The following SYMPK variants were observed in gnomAD, a reference collection of about 807,000 sequenced individuals.
SYMPK encodes the protein symplekin scaffold protein.
In SYMPK, 49 loss-of-function variants were observed where a neutral mutation model predicts 136.4. The observed-to-expected ratio is 0.36, with a 90% CI of 0.29 to 0.46. The LOEUF (loss-of-function observed/expected upper bound fraction) is 0.46. SYMPK is among the 20% of genes least tolerant of loss of function. SYMPK has a pLI of 1.00. For missense variants in SYMPK, 1,365 were observed against 1,690.0 expected (o/e 0.81, Z 3.37); for synonymous variants, 766 against 713.0 (o/e 1.07, Z -1.19).
Position 45,831,354 on chromosome 19 carries a change from T to C in SYMPK, c.1598+30A>G, listed in dbSNP as rs533641662. On this transcript the variant is annotated intron_variant, in intron 12 of 26. Transcript: ENST00000245934. ...CCAGACCTTCAGGGTAGGGCTCCTG[T>C]CCTGCCCTAGCACCCAGAAGAGGAC... The C allele has an allele frequency of 2.4e-4, 365 of 1,490,172 alleles. 5 individuals are homozygous for C. In the South Asian group the frequency reaches 4.6e-3, roughly 19 times the overall value. The allele number at this position is 1,490,172 out of a possible 1,614,324, so 92.3% of individuals were successfully genotyped here.
At chr19:45,840,083 C>T (rs879903417) in intron 9 of SYMPK, among the ~76,000 whole-genome samples, 6 of 152,030 alleles carry the variant, frequency 3.9e-5, no homozygotes, top group East Asian at 1.9e-4. Flanking sequence ...TCACCTGAGG[C>T]GGGTGGATTA....
intron 1 of SYMPK, among the ~76,000 whole-genome samples, chr19:45,858,745 C>A (rs1344525099): frequency 6.6e-6 from 1 of 152,122 alleles, no homozygotes; most frequent in Non-Finnish European, 1.5e-5. Context: ...GAACTCCCGA[C>A]CTCAGGTGAT....
Position 45,863,097 on chromosome 19 carries a change from G to A in SYMPK, c.-52C>T, listed in dbSNP as rs1477822375. On this transcript the variant is annotated 5_prime_UTR_variant, in exon 1 of 27. Transcript: ENST00000245934. Reference sequence around the variant, plus strand: ...CCGTTCCCCTCGCGCCCCCTCAGCAGTGCCTCTTCCTACACTCCGCCGCCG... The same window carrying A: ...CCGTTCCCCTCGCGCCCCCTCAGCAATGCCTCTTCCTACACTCCGCCGCCG... The A allele has an allele frequency of 5.0e-6, 2 of 403,266 alleles. No homozygotes were observed. Among genetic ancestry groups the A allele is most frequent in the Non-Finnish European group, 8.8e-6 (2 of 228,284 alleles). 25.0% of individuals were successfully genotyped at this position (403,266 alleles called of 1,614,324 possible).
At position 45,826,257 on chromosome 19, in the gene SYMPK, CG is replaced by C. The variant is rs1379611294; in HGVS notation, c.2297del (p.Pro766ArgfsTer22). 1 of 1,613,154 alleles carries C rather than the reference CG, an allele frequency of 6.2e-7. No individual in the cohort carries two copies. On this transcript the variant is annotated frameshift_variant, in exon 17 of 27. Coordinates refer to ENST00000245934, the MANE Select transcript of SYMPK (RefSeq NM_004819.3). LOFTEE classifies it high-confidence loss of function. ...YLQLLVHPNP[P>X]SVLFGADKDT... ...CCTTGTCAGCTCCAAACAGCACAGA[CG>C]GTGGGTTGGGGTGCACCAGGAGCTG...
Position 45,831,564 on chromosome 19 carries a change from T to C in SYMPK, c.1418A>G (p.Lys473Arg), listed in dbSNP as rs948203114. ...CACCTTCTCCTCCTTGGGCTCCTCC[T>C]TGCACTGTTTGGTCTGCTCTACACC... ...GPGVEQTKQC[K>R]EEPKEEKVVK... Residue 473 changes from lysine (K) to arginine (R), a missense_variant, in exon 12 of 27, where the codon AAG (lysine) becomes AGG (arginine). Lys to Arg is a conservative substitution (Grantham distance 26, BLOSUM62 2). This residue lies in a region of SYMPK where 46 missense variants were observed against 63.9 expected (regional missense o/e 0.72). Transcript: ENST00000245934. 6 of 1,608,348 alleles carry C rather than the reference T, an allele frequency of 3.7e-6. No homozygotes were observed. The highest frequency in any genetic ancestry group is 2.7e-5 in the African/African-American group (2 of 74,646).
At chr19:45,854,634 C>G in intron 1 of SYMPK, 127 bp from the exon 2 acceptor site, 1 of 713,586 alleles carries the variant, frequency 1.4e-6, no homozygotes, top group Non-Finnish European at 2.4e-6. Flanking sequence ...CCCAGTCAGG[C>G]CTTCTCAAGT....
At chr19:45,831,175 T>TC (rs1971161774) in intron 12 of SYMPK, 1 of 391,514 alleles carries the variant, frequency 2.6e-6, no homozygotes, top group East Asian at 3.7e-5. Flanking sequence ...AAGGATTTTT[T>TC]TTTTTTTTTT....
chr19:45,861,371 G>C (rs911495095), intron 1 of SYMPK, among the ~76,000 whole-genome samples: 1 of 151,574 alleles, frequency 6.6e-6, no homozygotes, highest in African/African-American at 2.4e-5. Flanking sequence ...GCAGGAGCTA[G>C]ATTTTATGCA....
intron 17 of SYMPK, among the ~76,000 whole-genome samples, 174 bp from the exon 18 acceptor site, chr19:45,825,505 C>T (rs148663014): frequency 1.9e-4 from 29 of 152,318 alleles, no homozygotes; most frequent in African/African-American, 6.7e-4. Context: ...CTTCCCACCT[C>T]CAGCCTCCCG....
Position 45,859,066 on chromosome 19 carries a change from C to T in SYMPK, c.-13+3992G>A, listed in dbSNP as rs116655888. On this transcript the variant is annotated intron_variant, in intron 1 of 26. Transcript: ENST00000245934. ...TGGGATCACAAGTCTCAGCCATCGC[C>T]CCCGGCCTAGAACAGGGATTTTGTT... 9.1e-3 allele frequency among the ~76,000 whole-genome samples: 1,385 copies of T among 152,158 alleles called. 25 individuals are homozygous for T. Among genetic ancestry groups the T allele is most frequent in the African/African-American group, 0.032 (1,312 of 41,504 alleles).
At chr19:45,851,835 C>T (rs2146341109) in intron 5 of SYMPK, among the ~76,000 whole-genome samples, 1 of 152,268 alleles carries the variant, frequency 6.6e-6, no homozygotes, top group Admixed American at 6.5e-5. Flanking sequence ...GATTGCGCCA[C>T]TGCACTCAAG....
intron 25 of SYMPK, 56 bp from the exon 26 acceptor site, chr19:45,816,239 C>A (rs893546050): frequency 8.3e-6 from 11 of 1,317,994 alleles, no homozygotes; most frequent in African/African-American, 1.5e-5. Context: ...AGAGGACGGC[C>A]GGAAAGAGAA....
At chr19:45,854,780 G>A (rs765488379) in intron 1 of SYMPK, 17 of 462,534 alleles carry the variant, frequency 3.7e-5, no homozygotes, top group African/African-American at 5.9e-5. Flanking sequence ...GCTGCTGAAC[G>A]ATGGGCCACA....
chr19:45,850,696 G>A lies in SYMPK; in HGVS notation c.299+1616C>T, dbSNP rs149904648. On this transcript the variant is annotated intron_variant, in intron 5 of 26. Coordinates refer to ENST00000245934, the MANE Select transcript of SYMPK (RefSeq NM_004819.3). ...ACTCATTCACGTGTGCAACAAATACGTAGTCAGCCCCTACTAGGTGACAAC... is the reference window on the plus strand; with the variant it reads ...ACTCATTCACGTGTGCAACAAATACATAGTCAGCCCCTACTAGGTGACAAC... Among the ~76,000 whole-genome samples, 33 of 152,264 alleles carry A rather than the reference G, an allele frequency of 2.2e-4. No individual in the cohort carries two copies. The East Asian group carries it at 5.0e-3, about 23-fold the overall frequency.
intron 5 of SYMPK, among the ~76,000 whole-genome samples, 158 bp from the exon 6 acceptor site, chr19:45,849,034 A>G (rs1196092134): frequency 6.6e-6 from 1 of 152,100 alleles, no homozygotes; most frequent in East Asian, 1.9e-4. Flanking sequence ...CTCCAGACTG[A>G]GCCGCCCCTG....
intron 9 of SYMPK, 135 bp from the exon 10 acceptor site, chr19:45,838,750 C>G: frequency 1.0e-6 from 1 of 991,626 alleles, no homozygotes; most frequent in Non-Finnish European, 1.4e-6. Flanking sequence ...AAGATCCAGG[C>G]TGCAGCTCTG....
At chr19:45,849,000 G>C in intron 5 of SYMPK, 124 bp from the exon 6 acceptor site, 1 of 1,182,270 alleles carries the variant, frequency 8.5e-7, no homozygotes, top group Non-Finnish European at 1.2e-6. Context: ...GGCACATCCA[G>C]AAGCTGGGAA....
Position 45,838,566 on chromosome 19 carries a change from C to A in SYMPK, c.1137G>T (p.Pro379=). ...DDEDKDLEPG[P]SGTSKASAQI... is the part of the protein sequence containing the mutation. ...GCGCTGAGGCCTTCGAGGTCCCCGACGGGCCTGGCTCCAAGTCTTTGTCCT... is the reference window on the plus strand; with the variant it reads ...GCGCTGAGGCCTTCGAGGTCCCCGAAGGGCCTGGCTCCAAGTCTTTGTCCT... Residue 379 remains proline, a synonymous_variant, in exon 10 of 27, where the codon CCG becomes CCT. Coordinates refer to ENST00000245934, the MANE Select transcript of SYMPK (RefSeq NM_004819.3). 1.2e-6 allele frequency: 2 copies of A among 1,613,952 alleles called. No homozygotes were observed. Among genetic ancestry groups the A allele is most frequent in the Non-Finnish European group, 1.7e-6 (2 of 1,179,942 alleles).
chr19:45,854,458 C>A lies in SYMPK; in HGVS notation c.38G>T (p.Ser13Ile), dbSNP rs778501223. 6.2e-7 allele frequency: 1 copy of A among 1,614,146 alleles called. No homozygotes were observed. The highest frequency in any genetic ancestry group is 1.6e-4 in the Middle Eastern group (1 of 6,062). Residue 13 changes from serine (S) to isoleucine (I), a missense_variant, in exon 2 of 27, where the codon AGC (serine) becomes ATC (isoleucine). This residue lies in a region of SYMPK where 61 missense variants were observed against 80.7 expected (regional missense o/e 0.76). Coordinates refer to ENST00000245934, the MANE Select transcript of SYMPK (RefSeq NM_004819.3). ...TTGAGTGAAAAACTGTGATGCCACG[C>A]TCCGACGGGTGACGCTGTCTCCACT... ...SGSGDSVTRRSVASQFFTQEE... is the reference protein window; with the variant it reads ...SGSGDSVTRRIVASQFFTQEE...
Sources: allele counts gnomAD v4.1 joint callset (sites outside exome capture counted in the v4.1 genomes callset), GRCh38; gene constraint gnomAD v4.1.1; regional missense constraint gnomAD v4.1.1; transcripts MANE v1.5; gene names NCBI Gene and HGNC (gene_info 2026-07-23, HGNC 2026-07-21).